EXOC3L2: variants seen among roughly 807,000 people sequenced by gnomAD.
The protein encoded by EXOC3L2 is exocyst complex component 3-like protein 2.
Under a neutral mutation model 44.4 loss-of-function variants are expected in EXOC3L2, and 17 were observed. That is an observed-to-expected ratio of 0.38 (90% CI 0.26 to 0.57). EXOC3L2 has a LOEUF of 0.57. EXOC3L2 is among the 20% of genes least tolerant of loss of function. The pLI is 0.65. For synonymous variants in EXOC3L2, 256 were observed against 253.7 expected (o/e 1.01, Z -0.09); for missense variants, 541 against 588.4 (o/e 0.92, Z 0.83).
intron 8 of EXOC3L2, among the ~76,000 whole-genome samples, chr19:45,219,393 C>CAAAAAAAAAAAAAAAAAAAAA (rs950797638): frequency 3.7e-4 from 19 of 51,532 alleles, no homozygotes; most frequent in East Asian, 5.8e-4. Context: ...GGCCCCGTCT[C>CAAAAAAAAAAAAAAAAAAAAA]AAAAAAAAAA....
rs975317268 is a variant in EXOC3L2 at position 45,238,235 on chromosome 19, C to T, written c.523+288G>A. On this transcript the variant is annotated intron_variant, in intron 2 of 11. Transcript: ENST00000413988. This position sits in a 1 kb window ranked among gnomAD's most constrained non-coding sequence, Gnocchi z 5.5. ...AATCAGGTATTCCCTTGGCTTTAGA[C>T]ATGGGAGTAGGGCTGAAGACGGCAG... Among the ~76,000 whole-genome samples the T allele has an allele frequency of 8.5e-5, 13 of 152,048 alleles. No homozygotes were observed. Among genetic ancestry groups the T allele is most frequent in the Non-Finnish European group, 1.5e-4 (10 of 68,022 alleles).
intron 1 of EXOC3L2, among the ~76,000 whole-genome samples, chr19:45,240,357 A>T (rs1970121495): frequency 6.6e-6 from 1 of 151,788 alleles, no homozygotes; most frequent in South Asian, 2.1e-4. Context: ...GCCTCAAGGG[A>T]TCTATCCACT....
chr19:45,233,643 G>C (rs928646140), intron 3 of EXOC3L2, among the ~76,000 whole-genome samples: 1 of 152,148 alleles, frequency 6.6e-6, no homozygotes, highest in Non-Finnish European at 1.5e-5. Context: ...TAAAATTGTA[G>C]AACTGGAAGA....
In EXOC3L2 at chr19:45,226,747, C is replaced by CTTTTTTTTTTTTTTT. The variant is rs957385712; in HGVS notation, c.1583+900_1583+914dup. ...CACTGTGCCCAGCTGACTCCCATCT[C>CTTTTTTTTTTTTTTT]TTTTTTTTTTTTTTTTTTTTTTTGA... On this transcript the variant is annotated intron_variant, in intron 7 of 11. Coordinates refer to ENST00000413988, the MANE Select transcript of EXOC3L2 (RefSeq NM_001382422.1). Among the ~76,000 whole-genome samples, 319 of 90,646 alleles carry CTTTTTTTTTTTTTTT rather than the reference C, an allele frequency of 3.5e-3. 55 individuals carry two copies. The highest frequency in any genetic ancestry group is 0.018 in the African/African-American group (300 of 16,264). 59.5% of individuals were successfully genotyped at this position (90,646 alleles called of 152,430 possible).
At chr19:45,216,625 G>A (rs1210351947) in intron 10 of EXOC3L2, 1 of 153,752 alleles carries the variant, frequency 6.5e-6, no homozygotes, top group African/African-American at 2.4e-5. Flanking sequence ...TGTAGCAGAA[G>A]ACATACTATG....
rs534922684 is a variant in EXOC3L2 at position 45,221,495 on chromosome 19, C to T, written c.1720-3176G>A. Among the ~76,000 whole-genome samples the T allele has an allele frequency of 4.8e-4, 73 of 152,020 alleles. No homozygotes were observed. The South Asian group carries it at 5.4e-3, about 11-fold the overall frequency. ...TCCTGAGTAGCTGGGGCTACAGGCA[C>T]GTGCCACCATGCCCGGCTAATTTTT... is the stretch of plus-strand genomic sequence containing the variant. On this transcript the variant is annotated intron_variant, in intron 8 of 11. Transcript: ENST00000413988.
chr19:45,221,414 C>G (rs529722462), intron 8 of EXOC3L2, among the ~76,000 whole-genome samples: 3 of 151,792 alleles, frequency 2.0e-5, no homozygotes, highest in South Asian at 2.1e-4. Context: ...TGCAGTGGCG[C>G]GATCTTGGCT....
intron 3 of EXOC3L2, among the ~76,000 whole-genome samples, chr19:45,232,398 T>A (rs572480573): frequency 6.6e-6 from 1 of 152,320 alleles, no homozygotes; most frequent in South Asian, 2.1e-4. Context: ...TTTAGGAAGC[T>A]TTCCGGACTC....
chr19:45,228,406 G>A, intron 4 of EXOC3L2, 140 bp from the exon 5 acceptor site: 1 of 709,522 alleles, frequency 1.4e-6, no homozygotes. Context: ...TCAAGGTGAT[G>A]CTGGGGAGGG....
chr19:45,218,085 G>A, intron 9 of EXOC3L2, 112 bp downstream of exon 9: 1 of 1,362,950 alleles, frequency 7.3e-7, no homozygotes, highest in South Asian at 1.5e-5. Context: ...CCTCCAGCAG[G>A]AGCGTTCTTG....
At chr19:45,220,871 A>G (rs1476524338) in intron 8 of EXOC3L2, among the ~76,000 whole-genome samples, 3 of 150,376 alleles carry the variant, frequency 2.0e-5, no homozygotes, top group Non-Finnish European at 4.4e-5. Flanking sequence ...AAGTGGAGAT[A>G]GGGAGGGGAT....
rs1969783135 is a variant in EXOC3L2 at position 45,212,409 on chromosome 19, G to A, written c.*660C>T. ...AACCTCTTTATTCTAAGTATCGAAC[G>A]TTCCTTAATACATTGGATTGGGGCC... On this transcript the variant is annotated 3_prime_UTR_variant, in exon 12 of 12. Transcript: ENST00000413988. 6.6e-6 allele frequency among the ~76,000 whole-genome samples: 1 copy of A among 152,140 alleles called. No homozygotes were observed. The highest frequency in any genetic ancestry group is 2.4e-5 in the African/African-American group (1 of 41,508).
rs531920214 is a variant in EXOC3L2, at chr19:45,245,090, C to T, written c.-17+251G>A. ...TGGTGGCACCAAGGTTTCTAATGCT[C>T]CCTTGCACCCTTTGTGGACCCCGCG... On this transcript the variant is annotated intron_variant, in intron 1 of 11. Transcript: ENST00000413988. Among the ~76,000 whole-genome samples, 31 of 152,080 alleles carry T rather than the reference C, an allele frequency of 2.0e-4. No homozygotes were observed. In the South Asian group the frequency reaches 6.4e-3, roughly 32 times the overall value.
At position 45,228,195 on chromosome 19, in the gene EXOC3L2, C is replaced by G. The variant is rs1442042220; in HGVS notation, c.1341G>C (p.Gln447His). Residue 447 changes from glutamine to histidine, a missense_variant, in exon 5 of 12, where the codon CAG becomes CAC. Physicochemically the swap from Gln to His is conservative, Grantham distance 24 (BLOSUM62 0). Transcript: ENST00000413988. ...ACACATCCTGGGCCAGGCTGCTGGG[C>G]TGGTCCTCCAGGCTCCCCCAGTGCT... ...DEEHWGSLED[Q>H]PSSLAQDVCE... is the part of the protein sequence containing the mutation. 2 of 1,614,010 alleles carry G rather than the reference C, an allele frequency of 1.2e-6. No homozygotes were observed. The highest frequency in any genetic ancestry group is 2.7e-5 in the African/African-American group (2 of 74,912).
In EXOC3L2 at chr19:45,227,762, G is replaced by C; in HGVS notation, c.1483C>G (p.Arg495Gly). 1 of 1,610,914 alleles carries C rather than the reference G, an allele frequency of 6.2e-7. No individual in the cohort carries two copies. The highest frequency in any genetic ancestry group is 8.5e-7 in the Non-Finnish European group (1 of 1,179,144). ...LAEFLQSFQQ[R>G]VERFHENPAV... ...GGGTTCTCATGGAATCGCTCCACACGCTGCTGGAAGCTGGTGGGAGGAAAG... is the reference window on the plus strand; with the variant it reads ...GGGTTCTCATGGAATCGCTCCACACCCTGCTGGAAGCTGGTGGGAGGAAAG... The change falls in exon 7 of 12, where the codon CGT becomes GGT. Residue 495 changes from arginine (R) to glycine (G), a missense_variant. Transcript: ENST00000413988.
chr19:45,237,306 C>T (rs1218518406), intron 2 of EXOC3L2, among the ~76,000 whole-genome samples: 1 of 152,022 alleles, frequency 6.6e-6, no homozygotes, highest in Non-Finnish European at 1.5e-5. Context: ...TCAAGACCAA[C>T]TTGAGCAACA....
At chr19:45,244,210 C>G (rs974706575) in intron 1 of EXOC3L2, among the ~76,000 whole-genome samples, 5 of 152,078 alleles carry the variant, frequency 3.3e-5, no homozygotes, top group African/African-American at 1.2e-4. Flanking sequence ...CATGAGCCAC[C>G]ACACCCAGCC....
chr19:45,244,394 G>T (rs1433858727), intron 1 of EXOC3L2, among the ~76,000 whole-genome samples: 2 of 151,978 alleles, frequency 1.3e-5, no homozygotes. Context: ...CCCCCACCTG[G>T]CTTCAATATC....
At chr19:45,232,555 C>A (rs1233312040) in intron 3 of EXOC3L2, among the ~76,000 whole-genome samples, 3 of 152,118 alleles carry the variant, frequency 2.0e-5, no homozygotes, top group Non-Finnish European at 4.4e-5. Context: ...AACCACCCAC[C>A]CCCTTCACTG....
Sources: gnomAD v4.1 joint callset for allele counts (sites outside exome capture counted in the v4.1 genomes callset) on GRCh38, gnomAD v4.1.1 for gene constraint, Gnocchi (gnomAD v3.1) non-coding constraint, MANE v1.5 for transcripts, NCBI Gene and HGNC (gene_info 2026-07-23, HGNC 2026-07-21) for gene names.